SRD5A2: variants seen among roughly 807,000 people sequenced by gnomAD.
SRD5A2 encodes the protein 3-oxo-5-alpha-steroid 4-dehydrogenase 2.
In SRD5A2, 30 loss-of-function variants were observed where a neutral mutation model predicts 27.4. The observed-to-expected ratio is 1.10, with a 90% CI of 0.82 to 1.49. The LOEUF is 1.49. Among genes scored for constraint, SRD5A2 ranks in the 40% most tolerant of loss-of-function variants. SRD5A2 has a pLI of 0.00. For synonymous variants in SRD5A2, 141 were observed against 133.6 expected, an observed-to-expected ratio of 1.06 and a Z score of -0.38; for missense variants, 348 against 323.4, an observed-to-expected ratio of 1.08 and a Z score of -0.58.
the SRD5A2 span, among the ~76,000 whole-genome samples, chr2:31,628,542 CTTT>C: frequency 6.6e-6 from 1 of 151,996 alleles, no homozygotes; most frequent in Non-Finnish European, 1.5e-5. Flanking sequence ...ATGCAGACTT[CTTT>C]GTGTTGTTGC....
chr2:31,576,350 A>G (rs1350571623), intron 1 of SRD5A2, among the ~76,000 whole-genome samples: 1 of 27,328 alleles, frequency 3.7e-5, no homozygotes, highest in Non-Finnish European at 7.4e-5. Context: ...ATGAACAGAC[A>G]CTTCTCAAAA....
At chr2:31,575,063 A>G (rs1428809227) in intron 1 of SRD5A2, among the ~76,000 whole-genome samples, 2 of 152,258 alleles carry the variant, frequency 1.3e-5, no homozygotes, top group Non-Finnish European at 2.9e-5. Flanking sequence ...ATTATGATTC[A>G]GGAACATCCT....
chr2:31,580,773 GC>G lies in SRD5A2; in HGVS notation c.127del (p.Ala43ArgfsTer88), dbSNP rs1359611598. 2 of 1,611,212 alleles carry G rather than the reference GC, an allele frequency of 1.2e-6. No homozygotes were observed. The highest frequency in any genetic ancestry group is 3.3e-5 in the Admixed American group (2 of 59,986). On this transcript the variant is annotated frameshift_variant, in exon 1 of 5. Coordinates refer to ENST00000622030, the MANE Select transcript of SRD5A2 (RefSeq NM_000348.4). LOFTEE classifies it high-confidence loss of function. ...YGKHTESLKPAATRLPARAAW... is the reference protein window; with the variant it reads ...YGKHTESLKPXATRLPARAAW... Reference sequence around the variant, plus strand: ...GGCGCGGGCTGGCAGGCGGGTAGCCGCCGGCTTCAGGCTCTCCGTGTGCTTC... The same window carrying G: ...GGCGCGGGCTGGCAGGCGGGTAGCCGCGGCTTCAGGCTCTCCGTGTGCTTC...
rs760689799 is a variant in SRD5A2, at chr2:31,580,703, C to A, written c.198G>T (p.Gly66=). ...QELPSFAVPA[G]ILARQPLSLF... ...GGGAGAGGGGCTGCCGGGCGAGGAT[C>A]CCCGCGGGCACCGCGAAGGAAGGCA... The change falls in exon 1 of 5, where the codon GGG becomes GGT. Residue 66 remains glycine (G), a synonymous_variant. Transcript: ENST00000622030. The A allele has an allele frequency of 6.2e-7, 1 of 1,603,620 alleles. No individual in the cohort carries two copies. The highest frequency in any genetic ancestry group is 1.1e-5 in the South Asian group (1 of 90,748).
the SRD5A2 span, among the ~76,000 whole-genome samples, chr2:31,610,362 A>C: frequency 2.6e-5 from 4 of 152,200 alleles, no homozygotes; most frequent in East Asian, 1.9e-4. Context: ...GGATGAAGAG[A>C]TGCTTCAACA....
chr2:31,644,859 G>A, the SRD5A2 span, among the ~76,000 whole-genome samples: 1 of 152,098 alleles, frequency 6.6e-6, no homozygotes, highest in Non-Finnish European at 1.5e-5. Flanking sequence ...AGGACAGAGA[G>A]GTGTGATGTT....
chr2:31,591,006 C>G, the SRD5A2 span, among the ~76,000 whole-genome samples: 2 of 152,122 alleles, frequency 1.3e-5, no homozygotes, highest in East Asian at 3.8e-4. Flanking sequence ...TAGGCAATAC[C>G]ATTCAGGACA....
In SRD5A2 at chr2:31,554,924, C is replaced by CGTGTGTGT. The variant is rs59697517; in HGVS notation, c.282-21166_282-21159dup. Among the ~76,000 whole-genome samples the CGTGTGTGT allele has an allele frequency of 9.1e-3, 1,203 of 132,168 alleles. 8 individuals carry two copies. Among genetic ancestry groups the CGTGTGTGT allele is most frequent in the Non-Finnish European group, 9.7e-3 (598 of 61,600 alleles). 86.7% of individuals were successfully genotyped at this position (132,168 alleles called of 152,430 possible). ...CTGGTAAGATGGCCTCTATCCTGATCGTGTGTGTGTGTGTGTGTGTGTGTG... is the reference window on the plus strand; with the variant it reads ...CTGGTAAGATGGCCTCTATCCTGATCGTGTGTGTGTGTGTGTGTGTGTGTGTGTGTGTG... On this transcript the variant is annotated intron_variant, in intron 1 of 4. Transcript: ENST00000622030.
chr2:31,642,215 T>C, the SRD5A2 span, among the ~76,000 whole-genome samples: 3 of 152,082 alleles, frequency 2.0e-5, no homozygotes, highest in African/African-American at 7.2e-5. Context: ...ATTTTTTACC[T>C]ATAATTCACA....
At chr2:31,542,102 G>A (rs1666140744) in intron 1 of SRD5A2, among the ~76,000 whole-genome samples, 1 of 152,186 alleles carries the variant, frequency 6.6e-6, no homozygotes, top group South Asian at 2.1e-4. Flanking sequence ...CTAAGGAAGT[G>A]CTTGTGCCAT....
the SRD5A2 span, among the ~76,000 whole-genome samples, chr2:31,657,729 T>TA: frequency 1.2e-4 from 18 of 151,938 alleles, no homozygotes; most frequent in African/African-American, 3.4e-4. Flanking sequence ...GAGTTAAATG[T>TA]AAAAAAAACT....
the SRD5A2 span, among the ~76,000 whole-genome samples, chr2:31,637,070 G>A: frequency 6.6e-6 from 1 of 152,004 alleles, no homozygotes; most frequent in Non-Finnish European, 1.5e-5. Flanking sequence ...TTAAATGTTT[G>A]GTAAAATTAA....
Position 31,524,911 on chromosome 2 carries a change from C to T in SRD5A2, c.*1285G>A, listed in dbSNP as rs1665739621. On this transcript the variant is annotated 3_prime_UTR_variant, in exon 5 of 5. Coordinates refer to ENST00000622030, the MANE Select transcript of SRD5A2 (RefSeq NM_000348.4). ...AAGAGTTTGCAAACTCAAATGCTTA[C>T]TAGCTACGTAGTTCCAGTTCTGGTG... The T allele has an allele frequency of 4.4e-6, 1 of 225,966 alleles. No individual in the cohort carries two copies. The highest frequency in any genetic ancestry group is 8.8e-6 in the Non-Finnish European group (1 of 113,430). The allele number at this position is 225,966 out of a possible 1,614,324, so 14.0% of individuals were successfully genotyped here. A position where few individuals can be genotyped will look rare whatever the true frequency, so the allele number is the denominator to read the frequency against.
At chr2:31,661,740 C>T in the SRD5A2 span, among the ~76,000 whole-genome samples, 3 of 152,074 alleles carry the variant, frequency 2.0e-5, no homozygotes, top group Non-Finnish European at 2.9e-5. Context: ...ATTTTTCTAC[C>T]AAGACTTCTT....
intron 1 of SRD5A2, chr2:31,563,310 A>G (rs957105436): frequency 1.3e-5 from 2 of 152,172 alleles, no homozygotes; most frequent in Non-Finnish European, 2.9e-5. Context: ...GATAAATACT[A>G]AAACCCATTG....
the SRD5A2 span, among the ~76,000 whole-genome samples, chr2:31,589,946 G>A: frequency 6.6e-6 from 1 of 152,056 alleles, no homozygotes; most frequent in African/African-American, 2.4e-5. Context: ...GAGTAAGAGT[G>A]GCCTTGCTGG....
In SRD5A2 at chr2:31,535,513, T is replaced by C. The variant is rs28383037; in HGVS notation, c.282-1747A>G. On this transcript the variant is annotated intron_variant, in intron 1 of 4. Transcript: ENST00000622030. ...ACCATCTGCTCTCCTGGCCAGTTAA[T>C]GGACTATGAGGATCTTTAATTATTT... 2.7e-3 allele frequency among the ~76,000 whole-genome samples: 407 copies of C among 152,274 alleles called. 3 individuals are homozygous for C. Among genetic ancestry groups the C allele is most frequent in the African/African-American group, 9.4e-3 (391 of 41,562 alleles).
At chr2:31,637,513 C>A in the SRD5A2 span, among the ~76,000 whole-genome samples, 2 of 152,092 alleles carry the variant, frequency 1.3e-5, no homozygotes, top group African/African-American at 4.8e-5. Flanking sequence ...GTTCTAGGAA[C>A]TCCCTGCCCT....
chr2:31,620,707 T>C, the SRD5A2 span, among the ~76,000 whole-genome samples: 7 of 151,630 alleles, frequency 4.6e-5, no homozygotes, highest in Admixed American at 1.3e-4. Flanking sequence ...GACACTTAAA[T>C]GCTCCGAAAA....
Sources: gnomAD v4.1 joint callset for allele counts (sites outside exome capture counted in the v4.1 genomes callset) on GRCh38, gnomAD v4.1.1 for gene constraint, MANE v1.5 for transcripts, NCBI Gene and HGNC (gene_info 2026-07-23, HGNC 2026-07-21) for gene names.